LGSN: variants seen among roughly 807,000 people sequenced by gnomAD.
The protein encoded by LGSN is lengsin.
A neutral mutation model predicts 19.5 loss-of-function variants in LGSN; 21 were observed. That is an observed-to-expected ratio of 1.07 (90% CI 0.76 to 1.55). LGSN has a LOEUF of 1.55. Ranked by LOEUF, LGSN falls within the 40% of genes most tolerant of loss-of-function variation. The probability of loss-of-function intolerance (pLI) is 0.00; values close to 1 mark genes in which losing one functional copy is unlikely to be tolerated. For synonymous variants in LGSN, 257 were observed against 215.6 expected (o/e 1.19, Z -1.68); for missense variants, 673 against 608.5 (o/e 1.11, Z -1.12).
At chr6:63,449,754 A>T in the LGSN span, among the ~76,000 whole-genome samples, 3 of 152,196 alleles carry the variant, frequency 2.0e-5, no homozygotes, top group African/African-American at 7.2e-5. Context: ...TAGTTTCAGG[A>T]TAAAATAGTG....
At chr6:63,559,452 A>C in the LGSN span, among the ~76,000 whole-genome samples, 1 of 152,228 alleles carries the variant, frequency 6.6e-6, no homozygotes, top group East Asian at 1.9e-4. Flanking sequence ...TTGGTTTAAA[A>C]AATGAATTTC....
At chr6:63,514,296 C>T in the LGSN span, among the ~76,000 whole-genome samples, 1 of 152,168 alleles carries the variant, frequency 6.6e-6, no homozygotes, top group Non-Finnish European at 1.5e-5. Context: ...GGCACAATCT[C>T]GGCTCACTGC....
the LGSN span, among the ~76,000 whole-genome samples, chr6:63,437,661 A>G: frequency 6.2e-4 from 94 of 152,316 alleles, 3 homozygotes; most frequent in South Asian, 0.019. Flanking sequence ...GGCTGGGCAC[A>G]GTGGTTCACG....
At chr6:63,344,719 A>G in the LGSN span, among the ~76,000 whole-genome samples, 2 of 152,128 alleles carry the variant, frequency 1.3e-5, no homozygotes. Context: ...ATTGATTATT[A>G]GTATATAGAA....
the LGSN span, among the ~76,000 whole-genome samples, chr6:63,486,792 C>A: frequency 6.9e-6 from 1 of 145,088 alleles, no homozygotes; most frequent in Non-Finnish European, 1.5e-5. Context: ...CTCCGGTGAT[C>A]CCCCCACCTC....
chr6:63,555,842 T>C, the LGSN span, among the ~76,000 whole-genome samples: 1 of 151,942 alleles, frequency 6.6e-6, no homozygotes, highest in African/African-American at 2.4e-5. Context: ...TACAGGTGTG[T>C]ACCAGAATAC....
At chr6:63,543,652 A>G in the LGSN span, among the ~76,000 whole-genome samples, 2 of 152,178 alleles carry the variant, frequency 1.3e-5, no homozygotes, top group Non-Finnish European at 2.9e-5. Context: ...GTGCCCATTC[A>G]TCCAATTGGT....
the LGSN span, among the ~76,000 whole-genome samples, chr6:63,479,275 G>C: frequency 6.6e-6 from 1 of 152,148 alleles, no homozygotes; most frequent in Non-Finnish European, 1.5e-5. Flanking sequence ...TTAGGCAGGG[G>C]AAAGGAAGTA....
At chr6:63,454,301 G>A in the LGSN span, among the ~76,000 whole-genome samples, 1 of 152,004 alleles carries the variant, frequency 6.6e-6, no homozygotes, top group African/African-American at 2.4e-5. Flanking sequence ...TCCTTGGATA[G>A]GTACTGGAGA....
At chr6:63,387,412 G>C in the LGSN span, among the ~76,000 whole-genome samples, 1 of 152,046 alleles carries the variant, frequency 6.6e-6, no homozygotes, top group Non-Finnish European at 1.5e-5. Context: ...TATCTTTGTT[G>C]TATTAGGTAT....
chr6:63,547,613 C>A, the LGSN span, among the ~76,000 whole-genome samples: 1 of 148,900 alleles, frequency 6.7e-6, no homozygotes, highest in African/African-American at 2.5e-5. Context: ...TCATTCCATT[C>A]TCCTGCCTCA....
the LGSN span, among the ~76,000 whole-genome samples, chr6:63,518,591 C>T: frequency 6.6e-6 from 1 of 152,098 alleles, no homozygotes; most frequent in Non-Finnish European, 1.5e-5. Context: ...AAATGTAATG[C>T]TCAGTGATGT....
the LGSN span, among the ~76,000 whole-genome samples, chr6:63,373,850 G>C: frequency 6.6e-6 from 1 of 151,774 alleles, no homozygotes; most frequent in African/African-American, 2.4e-5. Flanking sequence ...CACGAGAATG[G>C]CTTGAACCCA....
At chr6:63,408,820 C>A in the LGSN span, among the ~76,000 whole-genome samples, 5 of 151,764 alleles carry the variant, frequency 3.3e-5, no homozygotes, top group African/African-American at 4.8e-5. Context: ...CAATGAACTC[C>A]AACAAATTTA....
chr6:63,371,661 G>A, the LGSN span, among the ~76,000 whole-genome samples: 2 of 152,282 alleles, frequency 1.3e-5, no homozygotes, highest in East Asian at 3.9e-4. Context: ...ACCTATAAAT[G>A]AGAACCAGCA....
At chr6:63,431,485 A>G in the LGSN span, among the ~76,000 whole-genome samples, 1 of 152,236 alleles carries the variant, frequency 6.6e-6, no homozygotes, top group East Asian at 1.9e-4. Flanking sequence ...TGCAGCAGTT[A>G]AGAGCATGAG....
the LGSN span, among the ~76,000 whole-genome samples, chr6:63,380,591 A>C: frequency 2.0e-5 from 3 of 152,094 alleles, no homozygotes; most frequent in Admixed American, 1.3e-4. Flanking sequence ...GCCTTCATAG[A>C]GAAGTTACGG....
the LGSN span, among the ~76,000 whole-genome samples, chr6:63,545,901 G>A: frequency 6.6e-6 from 1 of 151,918 alleles, no homozygotes; most frequent in Non-Finnish European, 1.5e-5. Context: ...AAATAAACCT[G>A]GTTCTGTTAT....
At chr6:63,465,236 A>T in the LGSN span, among the ~76,000 whole-genome samples, 2 of 152,002 alleles carry the variant, frequency 1.3e-5, no homozygotes, top group African/African-American at 4.8e-5. Flanking sequence ...GCCAGAGTGC[A>T]ATGGCTCCAT....
Sources: gnomAD v4.1 joint callset for allele counts (sites outside exome capture counted in the v4.1 genomes callset) on GRCh38, gnomAD v4.1.1 for gene constraint, MANE v1.5 for transcripts, NCBI Gene and HGNC (gene_info 2026-07-23, HGNC 2026-07-21) for gene names.